The following ZDHHC14 variants were observed in gnomAD, a reference collection of about 807,000 sequenced individuals.
ZDHHC14 encodes the protein zDHHC palmitoyltransferase 14.
ZDHHC14 carries 16 observed loss-of-function variants against 47.7 expected under a neutral mutation model. The observed-to-expected ratio is 0.34, with a 90% CI of 0.23 to 0.51. The LOEUF (loss-of-function observed/expected upper bound fraction) is 0.51, where lower values mean the gene tolerates loss of function less well. ZDHHC14 is among the 20% of genes least tolerant of loss of function. The probability of loss-of-function intolerance (pLI) is 0.97; values close to 1 mark genes in which losing one functional copy is unlikely to be tolerated. For synonymous variants in ZDHHC14, 293 were observed against 278.9 expected, an observed-to-expected ratio of 1.05 and a Z score of -0.50; for missense variants, 515 against 662.5, an observed-to-expected ratio of 0.78 and a Z score of 2.44.
At chr6:157,534,182 A>C (rs940044253) in intron 1 of ZDHHC14, among the ~76,000 whole-genome samples, 34 of 152,150 alleles carry the variant, frequency 2.2e-4, no homozygotes, top group Non-Finnish European at 3.8e-4. Flanking sequence ...ACAAATCCCA[A>C]ATCACTACCC....
At chr6:157,478,579 A>T (rs866000799) in intron 1 of ZDHHC14, among the ~76,000 whole-genome samples, 1 of 152,212 alleles carries the variant, frequency 6.6e-6, no homozygotes, top group Non-Finnish European at 1.5e-5. Context: ...CCTTGTCCAC[A>T]CACAAGAGAG....
At chr6:157,416,670 TAAAAAAAAAAAA>T (rs570772103) in intron 1 of ZDHHC14, among the ~76,000 whole-genome samples, 1 of 75,322 alleles carries the variant, frequency 1.3e-5, no homozygotes, top group Non-Finnish European at 2.5e-5. Flanking sequence ...CCTGTCTCAT[TAAAAAAAAAAAA>T]AAAAAAAAAA....
At chr6:157,416,036 A>G (rs1184723717) in intron 1 of ZDHHC14, among the ~76,000 whole-genome samples, 2 of 152,200 alleles carry the variant, frequency 1.3e-5, no homozygotes, top group Admixed American at 6.5e-5. Context: ...GCCAAGCAGA[A>G]CCTGGATCTT....
intron 1 of ZDHHC14, among the ~76,000 whole-genome samples, chr6:157,483,512 G>C (rs914000825): frequency 2.6e-5 from 4 of 152,186 alleles, no homozygotes; most frequent in African/African-American, 9.7e-5. Flanking sequence ...AATCACAGTG[G>C]GAAAATGGCA....
intron 2 of ZDHHC14, among the ~76,000 whole-genome samples, chr6:157,567,810 CA>C (rs11431689): frequency 1.1e-3 from 148 of 136,230 alleles, no homozygotes; most frequent in Non-Finnish European, 9.9e-4. Flanking sequence ...GACCCCATCT[CA>C]AAAAAAAAAA....
At chr6:157,574,447 C>A (rs1254291249) in intron 2 of ZDHHC14, among the ~76,000 whole-genome samples, 1 of 152,138 alleles carries the variant, frequency 6.6e-6, no homozygotes, top group Admixed American at 6.5e-5. Flanking sequence ...GCACCCGTGT[C>A]ATTGCTGAAT....
rs185527125 is a variant in ZDHHC14 at position 157,648,970 on chromosome 6, G to A, written c.965+1602G>A. ...TGTCCAAATCTCCCTTCTTGTTCCTGAGTCCTTCATCTGCATATGGCACGG... is the reference window on the plus strand; with the variant it reads ...TGTCCAAATCTCCCTTCTTGTTCCTAAGTCCTTCATCTGCATATGGCACGG... On this transcript the variant is annotated intron_variant, in intron 7 of 8. Coordinates refer to ENST00000359775, the MANE Select transcript of ZDHHC14 (RefSeq NM_024630.3). 6.6e-5 allele frequency among the ~76,000 whole-genome samples: 10 copies of A among 152,314 alleles called. No homozygotes were observed. In the East Asian group the frequency reaches 1.9e-3, roughly 29 times the overall value.
rs546983732 is a variant in ZDHHC14, at chr6:157,493,520, G to A, written c.246-49065G>A. Among the ~76,000 whole-genome samples, 15 of 152,312 alleles carry A rather than the reference G, an allele frequency of 9.8e-5. No homozygotes were observed. The South Asian group carries it at 1.9e-3, about 19-fold the overall frequency. On this transcript the variant is annotated intron_variant, in intron 1 of 8. Coordinates refer to ENST00000359775, the MANE Select transcript of ZDHHC14 (RefSeq NM_024630.3). ...GAAGCCAGAAGCATGCCAGTCAGAC[G>A]AATTTCCTGGGAAACCATTCAACAA...
At chr6:157,516,200 G>A (rs977755904) in intron 1 of ZDHHC14, among the ~76,000 whole-genome samples, 3 of 152,112 alleles carry the variant, frequency 2.0e-5, no homozygotes, top group Non-Finnish European at 2.9e-5. Context: ...TTTCATTGCT[G>A]TATCATCCTC....
chr6:157,553,315 T>A (rs1178843219), intron 2 of ZDHHC14, among the ~76,000 whole-genome samples: 2 of 152,040 alleles, frequency 1.3e-5, no homozygotes, highest in Non-Finnish European at 2.9e-5. Flanking sequence ...TTGCTAAAAT[T>A]GAGCATTGCA....
intron 1 of ZDHHC14, among the ~76,000 whole-genome samples, chr6:157,532,789 G>T (rs1781408945): frequency 6.6e-6 from 1 of 152,164 alleles, no homozygotes; most frequent in Admixed American, 6.5e-5. Context: ...AAAATCAAGA[G>T]CTTCAGCCCG....
intron 3 of ZDHHC14, among the ~76,000 whole-genome samples, chr6:157,627,554 G>A (rs1040828772): frequency 3.3e-5 from 5 of 152,146 alleles, no homozygotes; most frequent in African/African-American, 4.8e-5. Context: ...TGAGAGGCCT[G>A]GGGTCTGCAC....
At chr6:157,535,611 C>G (rs16900257) in intron 1 of ZDHHC14, among the ~76,000 whole-genome samples, 19,541 of 152,136 alleles carry the variant, frequency 0.13, 1,510 homozygotes, top group African/African-American at 0.22. Context: ...TTTAAATTCC[C>G]TCCCTTCATA....
intron 1 of ZDHHC14, among the ~76,000 whole-genome samples, chr6:157,436,249 G>T (rs979352873): frequency 1.4e-4 from 21 of 151,280 alleles, no homozygotes; most frequent in Admixed American, 9.9e-4. Context: ...AGATGCAAAT[G>T]GAGATAATGA....
At chr6:157,654,007 C>A (rs1375812674) in intron 8 of ZDHHC14, among the ~76,000 whole-genome samples, 1 of 152,148 alleles carries the variant, frequency 6.6e-6, no homozygotes, top group Admixed American at 6.5e-5. Flanking sequence ...CCCATCTGTA[C>A]TGACCCCTCT....
At chr6:157,418,271 G>A (rs1226122192) in intron 1 of ZDHHC14, among the ~76,000 whole-genome samples, 3 of 152,214 alleles carry the variant, frequency 2.0e-5, no homozygotes, top group Non-Finnish European at 4.4e-5. Context: ...TTGGTAAAAC[G>A]ATGAAGTCAT....
chr6:157,402,971 G>T (rs1163772324), intron 1 of ZDHHC14, among the ~76,000 whole-genome samples: 2 of 152,172 alleles, frequency 1.3e-5, no homozygotes, highest in East Asian at 3.9e-4. Context: ...GCCACCTCAG[G>T]TGATCCGCCC....
At chr6:157,499,440 C>T (rs947541955) in intron 1 of ZDHHC14, among the ~76,000 whole-genome samples, 6 of 152,002 alleles carry the variant, frequency 3.9e-5, no homozygotes, top group African/African-American at 1.4e-4. Flanking sequence ...CATGGGGCCC[C>T]ACACTTATGA....
intron 3 of ZDHHC14, among the ~76,000 whole-genome samples, chr6:157,618,923 A>G (rs1785072061): frequency 6.6e-6 from 1 of 152,156 alleles, no homozygotes. Context: ...TTACATTACA[A>G]ATGAAACCAT....
Sources: gnomAD v4.1 joint callset for allele counts (sites outside exome capture counted in the v4.1 genomes callset) on GRCh38, gnomAD v4.1.1 for gene constraint, MANE v1.5 for transcripts, NCBI Gene and HGNC (gene_info 2026-07-23, HGNC 2026-07-21) for gene names.